Variants in ELP4 observed in about 807,000 individuals in gnomAD.
ELP4 encodes elongator complex protein 4.
In ELP4, 51 loss-of-function variants were observed where a neutral mutation model predicts 48.9. The ratio of observed to expected loss-of-function variants is 1.04; its 90% CI spans 0.83 to 1.32. ELP4 has a LOEUF of 1.32. Ranked by LOEUF, ELP4 falls within the 40% of genes most tolerant of loss-of-function variation. The probability of loss-of-function intolerance (pLI) is 0.00; values close to 1 mark genes in which losing one functional copy is unlikely to be tolerated. For missense variants in ELP4, 519 were observed against 514.6 expected (o/e 1.01, Z -0.08); for synonymous variants, 210 against 189.2 (o/e 1.11, Z -0.90).
At chr11:31,747,720 T>A (rs1219138527) in intron 9 of ELP4, among the ~76,000 whole-genome samples, 2 of 152,202 alleles carry the variant, frequency 1.3e-5, no homozygotes, top group East Asian at 3.9e-4. Context: ...AAAGCAGCAG[T>A]GGTTTTAAAT....
intron 1 of ELP4, among the ~76,000 whole-genome samples, chr11:31,515,446 A>T (rs1956093681): frequency 6.6e-6 from 1 of 152,148 alleles, no homozygotes; most frequent in Non-Finnish European, 1.5e-5. Flanking sequence ...CCAGGAGTTC[A>T]AAACCAGCCT....
intron 3 of ELP4, among the ~76,000 whole-genome samples, chr11:31,548,192 A>G (rs1231906221): frequency 6.6e-6 from 1 of 152,206 alleles, no homozygotes; most frequent in African/African-American, 2.4e-5. Flanking sequence ...GAGGAAGTCA[A>G]ATTGTCCCTG....
intron 5 of ELP4, among the ~76,000 whole-genome samples, chr11:31,607,471 G>C (rs562833925): frequency 1.3e-5 from 2 of 152,300 alleles, no homozygotes; most frequent in East Asian, 3.9e-4. Flanking sequence ...TCACATGGCA[G>C]AATGTGAAAG....
At chr11:31,701,513 G>T (rs1162396494) in intron 9 of ELP4, among the ~76,000 whole-genome samples, 3 of 151,626 alleles carry the variant, frequency 2.0e-5, no homozygotes, top group South Asian at 2.1e-4. Context: ...TTATCTTGGG[G>T]CACAGATATT....
chr11:31,742,614 G>T (rs980099628), intron 9 of ELP4, among the ~76,000 whole-genome samples: 2 of 152,176 alleles, frequency 1.3e-5, no homozygotes, highest in African/African-American at 2.4e-5. Context: ...TTAAAGAAAA[G>T]AATTTTCAAC....
At chr11:31,522,690 A>G (rs756182574) in intron 2 of ELP4, among the ~76,000 whole-genome samples, 4 of 152,176 alleles carry the variant, frequency 2.6e-5, no homozygotes, top group Non-Finnish European at 4.4e-5. Flanking sequence ...AGCATGTTAA[A>G]TTTTGTAGCT....
In ELP4 at chr11:31,788,380, C is replaced by T. The variant is rs889171984; in HGVS notation, c.*4856C>T. ...CCTCCACCCTCCAACCATCCACAAC[C>T]GCACAGAAAGCAAGATTCAAATGGG... On this transcript the variant is annotated 3_prime_UTR_variant, in exon 10 of 10. Transcript: ENST00000640961. The T allele has an allele frequency of 2.7e-5, 6 of 224,038 alleles. No individual in the cohort carries two copies. The highest frequency in any genetic ancestry group is 4.4e-5 in the Non-Finnish European group (5 of 112,366). 13.9% of individuals were successfully genotyped at this position (224,038 alleles called of 1,614,324 possible). A position where few individuals can be genotyped will look rare whatever the true frequency, so the allele number is the denominator to read the frequency against.
intron 3 of ELP4, among the ~76,000 whole-genome samples, chr11:31,576,753 GAC>G (rs1320737314): frequency 2.6e-5 from 4 of 152,064 alleles, no homozygotes; most frequent in Admixed American, 2.6e-4. Flanking sequence ...TGAGAACAAA[GAC>G]ACAACATACC....
intron 9 of ELP4, among the ~76,000 whole-genome samples, chr11:31,693,856 A>T (rs977788696): frequency 4.6e-5 from 7 of 152,142 alleles, no homozygotes; most frequent in Admixed American, 4.6e-4. Context: ...TCGCCACTCT[A>T]ACTGGTATGA....
At chr11:31,711,566 G>T (rs529313757) in intron 9 of ELP4, among the ~76,000 whole-genome samples, 1 of 152,006 alleles carries the variant, frequency 6.6e-6, no homozygotes, top group East Asian at 1.9e-4. Flanking sequence ...AAATTATTCT[G>T]TTATATTTTT....
intron 9 of ELP4, among the ~76,000 whole-genome samples, chr11:31,774,504 C>G (rs895047533): frequency 6.6e-6 from 1 of 152,246 alleles, no homozygotes; most frequent in Non-Finnish European, 1.5e-5. Flanking sequence ...TCCCTTCCAT[C>G]TCTTCTTGCA....
intron 6 of ELP4, among the ~76,000 whole-genome samples, chr11:31,630,278 T>C (rs983217652): frequency 6.7e-6 from 1 of 149,116 alleles, no homozygotes; most frequent in Non-Finnish European, 1.5e-5. Context: ...ATCCAGGCCA[T>C]TATATCCCTT....
At position 31,632,344 on chromosome 11, in the gene ELP4, G is replaced by A. The variant is rs1306122304; in HGVS notation, c.866G>A (p.Arg289His). 7 of 1,613,208 alleles carry A rather than the reference G, an allele frequency of 4.3e-6. No homozygotes were observed. The highest frequency in any genetic ancestry group is 1.6e-4 in the Middle Eastern group (1 of 6,076). ...CTTACCAAGTTCCTCTATGTTCTCC[G>A]TGGTCTTCTGAGAACCTCTCTTTCA... ...HSLTKFLYVL[R>H]GLLRTSLSAC... Residue 289 changes from arginine (R) to histidine (H), a missense_variant, in exon 7 of 10, where the codon CGT becomes CAT. Coordinates refer to ENST00000640961, the MANE Select transcript of ELP4 (RefSeq NM_019040.5).
At chr11:31,717,855 G>GA (rs1291788093) in intron 9 of ELP4, among the ~76,000 whole-genome samples, 2 of 152,040 alleles carry the variant, frequency 1.3e-5, no homozygotes, top group Admixed American at 6.6e-5. Context: ...TCATTATAGT[G>GA]AAAAAATGAC....
chr11:31,773,772 A>G (rs145653539), intron 9 of ELP4, among the ~76,000 whole-genome samples: 1 of 152,324 alleles, frequency 6.6e-6, no homozygotes, highest in Non-Finnish European at 1.5e-5. Flanking sequence ...GGATAAAGCT[A>G]ATGCACACCT....
intron 9 of ELP4, among the ~76,000 whole-genome samples, chr11:31,660,939 A>G (rs1366264573): frequency 6.6e-6 from 1 of 152,106 alleles, no homozygotes; most frequent in African/African-American, 2.4e-5. Context: ...ATTAATAATG[A>G]TCTGTACTAA....
rs1565184003 is a variant in ELP4, at chr11:31,790,120, A to AAAAAAAC, written c.*6596_*6597insAAAAAAC. Reference sequence around the variant, plus strand: ...TACAAAAAAAAAAAAAAAAAAAAAAACTAATACTTTCTAACATTTTTTACT... The same window carrying AAAAAAAC: ...TACAAAAAAAAAAAAAAAAAAAAAAAAAAAAACCTAATACTTTCTAACATTTTTTACT... On this transcript the variant is annotated 3_prime_UTR_variant, in exon 10 of 10. Transcript: ENST00000640961. 3.9e-6 allele frequency: 3 copies of AAAAAAAC among 760,122 alleles called. No individual in the cohort carries two copies. The highest frequency in any genetic ancestry group is 4.3e-6 in the Non-Finnish European group (2 of 466,082). The allele number at this position is 760,122 out of a possible 1,614,324, so 47.1% of individuals were successfully genotyped here.
chr11:31,665,845 G>C (rs191256694), intron 9 of ELP4, among the ~76,000 whole-genome samples: 2 of 150,912 alleles, frequency 1.3e-5, no homozygotes, highest in East Asian at 3.9e-4. Flanking sequence ...TGTAGAGACA[G>C]GGTTTCACCA....
intron 3 of ELP4, among the ~76,000 whole-genome samples, chr11:31,546,275 A>T (rs1705384822): frequency 6.6e-6 from 1 of 152,082 alleles, no homozygotes; most frequent in Admixed American, 6.5e-5. Context: ...GCTCAAAATA[A>T]AAGGATGGAG....
Sources: allele counts gnomAD v4.1 joint callset (sites outside exome capture counted in the v4.1 genomes callset), GRCh38; gene constraint gnomAD v4.1.1; transcripts MANE v1.5; gene names NCBI Gene and HGNC (gene_info 2026-07-23, HGNC 2026-07-21).